The following MICU1 variants were observed in gnomAD, a reference collection of about 807,000 sequenced individuals.
The protein encoded by MICU1 is mitochondrial calcium uptake 1, also known as calcium uptake protein 1, mitochondrial.
Under a neutral mutation model 56.8 loss-of-function variants are expected in MICU1, and 45 were observed. That is an observed-to-expected ratio of 0.79 (90% CI 0.62 to 1.02). MICU1 has a LOEUF of 1.02. Among genes scored for constraint, MICU1 ranks in the 50% least tolerant of loss-of-function variants. MICU1 has a pLI of 0.00. For synonymous variants in MICU1, 186 were observed against 195.1 expected (o/e 0.95, Z 0.39); for missense variants, 504 against 587.1 (o/e 0.86, Z 1.46).
intron 1 of MICU1, among the ~76,000 whole-genome samples, chr10:72,581,404 C>A (rs932651846): frequency 2.0e-5 from 3 of 152,050 alleles, no homozygotes; most frequent in African/African-American, 7.2e-5. Flanking sequence ...CCAAGGCAGG[C>A]GATCACTTGA....
intron 1 of MICU1, among the ~76,000 whole-genome samples, chr10:72,616,516 G>A (rs1006132635): frequency 1.3e-5 from 2 of 151,590 alleles, no homozygotes; most frequent in African/African-American, 4.9e-5. Flanking sequence ...GAACCTGGGA[G>A]GCAGAGGTTG....
In MICU1 at chr10:72,405,013, T is replaced by A. The variant is rs1316003355; in HGVS notation, c.1180+2916A>T. 3.3e-5 allele frequency among the ~76,000 whole-genome samples: 5 copies of A among 152,272 alleles called. No homozygotes were observed. The East Asian group carries it at 7.7e-4, about 23-fold the overall frequency. ...CATCCATCTCCCGGGTTCAAGTGAT[T>A]CTCCTGCCTCAGCCTCCCAAGTAGC... On this transcript the variant is annotated intron_variant, in intron 10 of 11. Transcript: ENST00000361114.
At chr10:72,398,047 A>G (rs1051159256) in intron 10 of MICU1, among the ~76,000 whole-genome samples, 5 of 152,240 alleles carry the variant, frequency 3.3e-5, no homozygotes, top group Non-Finnish European at 7.3e-5. Context: ...AGTACTCTTC[A>G]GCAAATGTAA....
At chr10:72,386,242 C>T (rs561884358) in intron 10 of MICU1, among the ~76,000 whole-genome samples, 2 of 152,122 alleles carry the variant, frequency 1.3e-5, no homozygotes, top group Non-Finnish European at 1.5e-5. Context: ...AGTACAGTGG[C>T]GTGATCTTGG....
At chr10:72,526,635 C>G (rs1252297615) in intron 5 of MICU1, among the ~76,000 whole-genome samples, 1 of 152,118 alleles carries the variant, frequency 6.6e-6, no homozygotes, top group Non-Finnish European at 1.5e-5. Flanking sequence ...TGTCTAAAGA[C>G]TATAATGAGC....
chr10:72,582,095 A>C (rs1840915918), intron 1 of MICU1, among the ~76,000 whole-genome samples: 1 of 152,076 alleles, frequency 6.6e-6, no homozygotes. Flanking sequence ...ACGCCTGGGT[A>C]ATTTTGTACT....
chr10:72,516,225 AGAAATGCCTTCTTTT>A (rs1867641119), intron 5 of MICU1, among the ~76,000 whole-genome samples: 1 of 152,098 alleles, frequency 6.6e-6, no homozygotes, highest in Non-Finnish European at 1.5e-5. Context: ...TGTTGGCCAC[AGAAATGCCTTCTTTT>A]GAGAAGTGTC....
At chr10:72,397,455 G>A (rs1009810773) in intron 10 of MICU1, among the ~76,000 whole-genome samples, 3 of 152,140 alleles carry the variant, frequency 2.0e-5, no homozygotes, top group Admixed American at 1.3e-4. Context: ...ATGTAAATGG[G>A]CTAAATGCCC....
intron 1 of MICU1, among the ~76,000 whole-genome samples, chr10:72,583,717 T>C (rs1840969035): frequency 6.6e-6 from 1 of 152,244 alleles, no homozygotes; most frequent in Non-Finnish European, 1.5e-5. Flanking sequence ...CATAACACTA[T>C]ATTAGATTTT....
intron 1 of MICU1, among the ~76,000 whole-genome samples, chr10:72,607,709 T>C (rs955916978): frequency 1.3e-5 from 2 of 151,494 alleles, no homozygotes; most frequent in African/African-American, 4.9e-5. Context: ...TGAGCTGCTG[T>C]AGCAAATGAC....
chr10:72,608,178 C>T (rs1229375992), intron 1 of MICU1, among the ~76,000 whole-genome samples: 1 of 152,166 alleles, frequency 6.6e-6, no homozygotes, highest in African/African-American at 2.4e-5. Flanking sequence ...AAGCGATTCT[C>T]CTGCTTCAGC....
Position 72,386,505 on chromosome 10 carries a change from C to T in MICU1, c.1181-10633G>A, listed in dbSNP as rs144984277. ...ACAAGGGACTATCTTTTTGAAGTTCCTCAACTTCTACGTTATATAGAGCCG... is the reference window on the plus strand; with the variant it reads ...ACAAGGGACTATCTTTTTGAAGTTCTTCAACTTCTACGTTATATAGAGCCG... On this transcript the variant is annotated intron_variant, in intron 10 of 11. Coordinates refer to ENST00000361114, the MANE Select transcript of MICU1 (RefSeq NM_001195518.2). Among the ~76,000 whole-genome samples, 184 of 151,656 alleles carry T rather than the reference C, an allele frequency of 1.2e-3. 1 individual carries two copies. Among genetic ancestry groups the T allele is most frequent in the African/African-American group, 4.0e-3 (164 of 41,356 alleles).
At chr10:72,608,452 C>T (rs920267330) in intron 1 of MICU1, among the ~76,000 whole-genome samples, 2 of 152,198 alleles carry the variant, frequency 1.3e-5, no homozygotes, top group Middle Eastern at 6.8e-3. Context: ...AGACATTTCT[C>T]CAAAGATGTA....
chr10:72,395,813 A>G (rs537106362), intron 10 of MICU1, among the ~76,000 whole-genome samples: 8 of 152,346 alleles, frequency 5.3e-5, no homozygotes, highest in Admixed American at 5.2e-4. Context: ...ACAGCTCAAC[A>G]GGCCTACAGC....
chr10:72,624,067 C>CT (rs1842173355), intron 1 of MICU1, among the ~76,000 whole-genome samples: 1 of 152,056 alleles, frequency 6.6e-6, no homozygotes, highest in African/African-American at 2.4e-5. Context: ...TTTAAAAAAG[C>CT]TTTATCAATT....
At chr10:72,513,242 A>G (rs1423579981) in intron 5 of MICU1, among the ~76,000 whole-genome samples, 1 of 152,198 alleles carries the variant, frequency 6.6e-6, no homozygotes, top group Non-Finnish European at 1.5e-5. Context: ...AAAAAATTAT[A>G]ACCATCCTCA....
chr10:72,422,086 C>T (rs1432757347), intron 9 of MICU1, among the ~76,000 whole-genome samples: 4 of 152,142 alleles, frequency 2.6e-5, no homozygotes, highest in Non-Finnish European at 5.9e-5. Flanking sequence ...CCTACTGTGC[C>T]CAATGTGGTT....
At chr10:72,402,466 T>C (rs1260647918) in intron 10 of MICU1, among the ~76,000 whole-genome samples, 2 of 152,160 alleles carry the variant, frequency 1.3e-5, no homozygotes, top group Non-Finnish European at 2.9e-5. Context: ...AAAAACCCAC[T>C]TGTAACTGCT....
chr10:72,600,257 A>G (rs1056937752), intron 1 of MICU1, among the ~76,000 whole-genome samples: 17 of 148,032 alleles, frequency 1.1e-4, no homozygotes, highest in African/African-American at 4.3e-4. Context: ...GTGCCATTGC[A>G]CTCCAGCCTG....
Sources: allele counts gnomAD v4.1 joint callset (sites outside exome capture counted in the v4.1 genomes callset), GRCh38; gene constraint gnomAD v4.1.1; transcripts MANE v1.5; gene names NCBI Gene and HGNC (gene_info 2026-07-23, HGNC 2026-07-21).